Variants in BNC2 observed in about 807,000 individuals in gnomAD.
The protein encoded by BNC2 is zinc finger protein basonuclin-2.
Under a neutral mutation model 76.3 loss-of-function variants are expected in BNC2, and 20 were observed. The ratio of observed to expected loss-of-function variants is 0.26; its 90% CI spans 0.18 to 0.38. The LOEUF is 0.38. Ranked by LOEUF, BNC2 falls within the 10% of genes least tolerant of loss-of-function variation. The pLI is 1.00. For synonymous variants in BNC2, 582 were observed against 514.8 expected, an observed-to-expected ratio of 1.13 and a Z score of -1.77; for missense variants, 1,382 against 1,399.8, an observed-to-expected ratio of 0.99 and a Z score of 0.20.
rs745762039 is a variant in BNC2, at chr9:16,419,244, T to G, written c.3045A>C (p.Leu1015=). The change falls in exon 7 of 7, where the codon CTA becomes CTC. Residue 1015 remains leucine (L), a synonymous_variant. Transcript: ENST00000380672. ...TAAGAGATCCTGAAACTTCAGCCCCTAGGCTGCCAGGGAGGGCAGGGGCCT... is the reference window on the plus strand; with the variant it reads ...TAAGAGATCCTGAAACTTCAGCCCCGAGGCTGCCAGGGAGGGCAGGGGCCT... ...KAEAPALPGS[L]GAEVSGSLMF... is the part of the protein sequence containing the mutation. 5.6e-6 allele frequency: 9 copies of G among 1,614,068 alleles called. No homozygotes were observed. The highest frequency in any genetic ancestry group is 7.6e-6 in the Non-Finnish European group (9 of 1,180,032).
At chr9:16,812,971 G>A (rs2135868192) in intron 1 of BNC2, among the ~76,000 whole-genome samples, 1 of 152,206 alleles carries the variant, frequency 6.6e-6, no homozygotes, top group East Asian at 1.9e-4. Context: ...CACTTTAGGA[G>A]GCCGAGGTGG....
intron 3 of BNC2, among the ~76,000 whole-genome samples, chr9:16,679,092 A>C (rs1822746694): frequency 6.6e-6 from 1 of 152,088 alleles, no homozygotes; most frequent in Admixed American, 6.6e-5. Context: ...GAGCGAGGGC[A>C]CCTAATATTG....
intron 1 of BNC2, among the ~76,000 whole-genome samples, chr9:16,758,857 T>C (rs1825470688): frequency 6.6e-6 from 1 of 152,182 alleles, no homozygotes; most frequent in Admixed American, 6.5e-5. Flanking sequence ...ATCAAAAATC[T>C]TTGAAGAATC....
intron 3 of BNC2, among the ~76,000 whole-genome samples, chr9:16,707,203 C>A (rs1187476703): frequency 1.3e-5 from 2 of 151,034 alleles, no homozygotes; most frequent in Non-Finnish European, 3.0e-5. Flanking sequence ...CTCCGCCCCC[C>A]CGCCAAAAAA....
At chr9:16,824,855 A>G (rs571192178) in intron 1 of BNC2, among the ~76,000 whole-genome samples, 13 of 152,188 alleles carry the variant, frequency 8.5e-5, no homozygotes, top group Admixed American at 8.5e-4. Flanking sequence ...CTGGAGTGCA[A>G]ATAATTGTTC....
At chr9:16,518,041 G>C (rs1409467912) in intron 5 of BNC2, among the ~76,000 whole-genome samples, 1 of 152,156 alleles carries the variant, frequency 6.6e-6, no homozygotes, top group Non-Finnish European at 1.5e-5. Context: ...GTGAAATCTG[G>C]AAAGAAGGGA....
chr9:16,513,793 G>A (rs1822815209), intron 5 of BNC2, among the ~76,000 whole-genome samples: 1 of 152,098 alleles, frequency 6.6e-6, no homozygotes, highest in Admixed American at 6.5e-5. Flanking sequence ...GGCAGTCATG[G>A]GCCTGGGGAT....
intron 1 of BNC2, among the ~76,000 whole-genome samples, chr9:16,793,245 T>A (rs1586888476): frequency 6.6e-6 from 1 of 152,204 alleles, no homozygotes; most frequent in African/African-American, 2.4e-5. Context: ...CTTTTTTCTC[T>A]TATTATCAAT....
intron 2 of BNC2, among the ~76,000 whole-genome samples, chr9:16,731,242 G>A (rs1471080349): frequency 2.6e-5 from 4 of 152,176 alleles, no homozygotes. Context: ...GAAGGAAGAA[G>A]ACAAGTATCA....
intron 1 of BNC2, among the ~76,000 whole-genome samples, chr9:16,781,304 A>G (rs942380879): frequency 6.6e-6 from 1 of 152,020 alleles, no homozygotes; most frequent in Non-Finnish European, 1.5e-5. Context: ...TACAAAAAAA[A>G]GCAGGGGCAC....
At chr9:16,685,892 C>G (rs148667562) in intron 3 of BNC2, among the ~76,000 whole-genome samples, 24 of 152,242 alleles carry the variant, frequency 1.6e-4, no homozygotes, top group African/African-American at 5.1e-4. Context: ...AGGTAGCACA[C>G]AGTAGGCACC....
chr9:16,610,337 T>G (rs1820509118), intron 3 of BNC2, among the ~76,000 whole-genome samples: 2 of 152,116 alleles, frequency 1.3e-5, no homozygotes, highest in Admixed American at 1.3e-4. Context: ...TTAAATTCAG[T>G]AAAACTTGAA....
intron 3 of BNC2, among the ~76,000 whole-genome samples, chr9:16,656,441 C>A (rs1821932390): frequency 6.6e-6 from 1 of 152,094 alleles, no homozygotes; most frequent in Admixed American, 6.5e-5. Flanking sequence ...GAGAAACAGC[C>A]TCAAGAATGT....
In BNC2 at chr9:16,419,481, G is replaced by A. The variant is rs927477663; in HGVS notation, c.2808C>T (p.Ser936=). The part of the protein sequence containing the change: ...PMGLDVREDA[S]SPAGTEDSHL... ...GGGAGTCTTCAGTCCCTGCGGGAGAGGAGGCGTCTTCCCTGACATCGAGCC... is the reference window on the plus strand; with the variant it reads ...GGGAGTCTTCAGTCCCTGCGGGAGAAGAGGCGTCTTCCCTGACATCGAGCC... Residue 936 remains serine (S), a synonymous_variant, in exon 7 of 7, where the codon TCC becomes TCT. Coordinates refer to ENST00000380672, the MANE Select transcript of BNC2 (RefSeq NM_017637.6). 3.7e-6 allele frequency: 6 copies of A among 1,614,124 alleles called. No individual in the cohort carries two copies. The highest frequency in any genetic ancestry group is 4.5e-5 in the East Asian group (2 of 44,856).
At chr9:16,595,451 T>G (rs1820039544) in intron 3 of BNC2, among the ~76,000 whole-genome samples, 1 of 152,270 alleles carries the variant, frequency 6.6e-6, no homozygotes, top group African/African-American at 2.4e-5. Context: ...CTGGCTTCAT[T>G]AGCGCTTCAC....
chr9:16,756,688 G>C (rs941101725), intron 1 of BNC2, among the ~76,000 whole-genome samples: 9 of 152,062 alleles, frequency 5.9e-5, no homozygotes, highest in Non-Finnish European at 1.3e-4. Context: ...CTTCAGAAAT[G>C]GTTTCTTAAA....
rs374105839 is a variant in BNC2 at position 16,808,126 on chromosome 9, A to T, written c.3+62520T>A. Among the ~76,000 whole-genome samples the T allele has an allele frequency of 1.1e-4, 16 of 152,278 alleles. No homozygotes were observed. In the South Asian group the frequency reaches 3.3e-3, roughly 32 times the overall value. ...TATTTAAAGAATAACAAAATTTCAG[A>T]GTATGTTTCTGATAGCTACAAGTGT... is the stretch of plus-strand genomic sequence containing the variant. On this transcript the variant is annotated intron_variant, in intron 1 of 6. Coordinates refer to ENST00000380672, the MANE Select transcript of BNC2 (RefSeq NM_017637.6).
At chr9:16,854,885 G>C (rs1000635128) in intron 1 of BNC2, among the ~76,000 whole-genome samples, 5 of 151,972 alleles carry the variant, frequency 3.3e-5, no homozygotes, top group African/African-American at 1.2e-4. Context: ...AGTCCAAAGT[G>C]TGCACCGTGA....
intron 3 of BNC2, among the ~76,000 whole-genome samples, chr9:16,719,169 T>C (rs1340533793): frequency 6.6e-6 from 1 of 152,174 alleles, no homozygotes; most frequent in African/African-American, 2.4e-5. Context: ...GCTCAGTGTA[T>C]AATTACTCCC....
Sources: gnomAD v4.1 joint callset for allele counts (sites outside exome capture counted in the v4.1 genomes callset) on GRCh38, gnomAD v4.1.1 for gene constraint, MANE v1.5 for transcripts, NCBI Gene and HGNC (gene_info 2026-07-23, HGNC 2026-07-21) for gene names.